TRIM55: variants seen among roughly 807,000 people sequenced by gnomAD.
The protein encoded by TRIM55 is tripartite motif-containing protein 55.
TRIM55 carries 50 observed loss-of-function variants against 60.9 expected under a neutral mutation model. That is an observed-to-expected ratio of 0.82 (90% CI 0.65 to 1.04). The LOEUF is 1.04. Among genes scored for constraint, TRIM55 ranks in the 50% least tolerant of loss-of-function variants. TRIM55 has a pLI of 0.00. For synonymous variants in TRIM55, 237 were observed against 238.1 expected, an observed-to-expected ratio of 1.00 and a Z score of 0.04; for missense variants, 681 against 666.9, an observed-to-expected ratio of 1.02 and a Z score of -0.23.
chr8:66,124,465 C>T (rs765023599), upstream of TRIM55, among the ~76,000 whole-genome samples: 2 of 152,210 alleles, frequency 1.3e-5, no homozygotes, highest in Non-Finnish European at 2.9e-5. Flanking sequence ...GCCCATGTTG[C>T]TGCTTCTGTG....
intron 4 of TRIM55, among the ~76,000 whole-genome samples, chr8:66,143,869 A>G (rs2128977791): frequency 6.6e-6 from 1 of 152,298 alleles, no homozygotes; most frequent in Middle Eastern, 3.4e-3. Context: ...GCAGTAATCA[A>G]ATGAACAACA....
intron 4 of TRIM55, among the ~76,000 whole-genome samples, chr8:66,148,467 C>T (rs1810225203): frequency 1.3e-5 from 2 of 152,320 alleles, no homozygotes; most frequent in South Asian, 4.1e-4. Context: ...TTAAAAGTTG[C>T]ATTCAGCCAT....
At position 66,127,285 on chromosome 8, in the gene TRIM55, A is replaced by G; in HGVS notation, c.17A>G (p.Asn6Ser). Residue 6 changes from asparagine to serine, a missense_variant, in exon 1 of 10, where the codon AAT becomes AGT. Transcript: ENST00000315962. MSASL[N>S]YKSFSKEQQT... ...AGCGAGGAGATGAGCGCATCTCTGA[A>G]TTACAAATCTTTTTCCAAAGAGCAG... is the stretch of plus-strand genomic sequence containing the variant. The G allele has an allele frequency of 1.2e-6, 2 of 1,614,148 alleles. No individual in the cohort carries two copies. Among genetic ancestry groups the G allele is most frequent in the South Asian group, 1.1e-5 (1 of 91,076 alleles).
the TRIM55 span, chr8:66,114,586 C>G: frequency 2.2e-6 from 1 of 456,232 alleles, no homozygotes; most frequent in Non-Finnish European, 4.4e-6. Flanking sequence ...CTAAGCTGCC[C>G]ATAGTTCGGG....
chr8:66,114,222 A>G, the TRIM55 span, among the ~76,000 whole-genome samples: 1 of 152,056 alleles, frequency 6.6e-6, no homozygotes, highest in Non-Finnish European at 1.5e-5. Context: ...GCGCTCGCTT[A>G]GCATGCGAGA....
At chr8:66,166,421 C>A (rs923054573) in intron 9 of TRIM55, among the ~76,000 whole-genome samples, 1 of 152,144 alleles carries the variant, frequency 6.6e-6, no homozygotes, top group Non-Finnish European at 1.5e-5. Context: ...TAACCTAAGA[C>A]TTTTGTTAGT....
the TRIM55 span, among the ~76,000 whole-genome samples, chr8:66,113,777 C>CG: frequency 2.0e-5 from 3 of 152,162 alleles, no homozygotes; most frequent in African/African-American, 7.2e-5. Context: ...GGGGGCCAGG[C>CG]GGGGACCTTC....
intron 4 of TRIM55, among the ~76,000 whole-genome samples, chr8:66,143,583 T>G (rs1222315305): frequency 1.0e-4 from 15 of 143,450 alleles, no homozygotes; most frequent in Admixed American, 3.5e-4. Context: ...GGTTTTTGGG[T>G]TTTTTTTTTT....
At chr8:66,150,193 A>G (rs1347179618) in intron 5 of TRIM55, 24 bp from the exon 6 acceptor site, 3 of 1,610,392 alleles carry the variant, frequency 1.9e-6, no homozygotes, top group Non-Finnish European at 2.5e-6. Context: ...TTTAAGTAAG[A>G]CTATCTTTTG....
At chr8:66,138,611 A>G (rs976558870) in intron 4 of TRIM55, among the ~76,000 whole-genome samples, 15 of 152,112 alleles carry the variant, frequency 9.9e-5, no homozygotes, top group Non-Finnish European at 1.8e-4. Context: ...GGCTGGTCTC[A>G]AACTCCTGAC....
intron 8 of TRIM55, among the ~76,000 whole-genome samples, chr8:66,153,645 A>T (rs567962496): frequency 5.3e-5 from 8 of 149,554 alleles, no homozygotes; most frequent in East Asian, 2.2e-4. Flanking sequence ...GTTGGATTTG[A>T]TCAATAAGAT....
rs569881107 is a variant in TRIM55, at chr8:66,152,127, C to A, written c.986-250C>A. 1.2e-4 allele frequency among the ~76,000 whole-genome samples: 18 copies of A among 152,204 alleles called. No homozygotes were observed. The South Asian group carries it at 3.7e-3, about 32-fold the overall frequency. On this transcript the variant is annotated intron_variant, in intron 7 of 9. Coordinates refer to ENST00000315962, the MANE Select transcript of TRIM55 (RefSeq NM_184085.2). ...TCTGGAAGGTGAAGGGCATTATGCA[C>A]AGCAGAGGTGAAGACTTTGTACTGG... is the stretch of plus-strand genomic sequence containing the variant.
the TRIM55 span, among the ~76,000 whole-genome samples, chr8:66,114,089 C>CT: frequency 7.4e-6 from 1 of 135,602 alleles, no homozygotes; most frequent in Non-Finnish European, 1.6e-5. Context: ...GACACCCCCC[C>CT]CCCCATTATT....
At chr8:66,127,527 T>C in intron 1 of TRIM55, 91 bp downstream of exon 1, 1 of 1,472,152 alleles carries the variant, frequency 6.8e-7, no homozygotes. Context: ...TGAAATCCTT[T>C]AAAAAACTTT....
chr8:66,128,392 T>C lies in TRIM55; in HGVS notation c.257T>C (p.Val86Ala), dbSNP rs1808949645. The stretch of plus-strand genomic sequence containing the variant: ...TGCCCATCCTGTAGACATGAAGTGG[T>C]TTTGGATAGACATGGGGTATATGGA... ...FRCPSCRHEV[V>A]LDRHGVYGLQ... Residue 86 changes from valine (V) to alanine (A), a missense_variant, in exon 2 of 10, where the codon GTT (valine) becomes GCT (alanine). Coordinates refer to ENST00000315962, the MANE Select transcript of TRIM55 (RefSeq NM_184085.2). The C allele has an allele frequency of 6.2e-7, 1 of 1,613,594 alleles. No individual in the cohort carries two copies. Among genetic ancestry groups the C allele is most frequent in the Non-Finnish European group, 8.5e-7 (1 of 1,179,808 alleles).
In TRIM55 at chr8:66,149,961, AC is replaced by A. The variant is rs1202358638; in HGVS notation, c.837+84del. 3.4e-6 allele frequency: 4 copies of A among 1,165,668 alleles called. No individual in the cohort carries two copies. In the East Asian group the frequency reaches 1.0e-4, roughly 29 times the overall value. The allele number at this position is 1,165,668 out of a possible 1,614,324, so 72.2% of individuals were successfully genotyped here. On this transcript the variant is annotated intron_variant, in intron 5 of 9. Transcript: ENST00000315962. ...TTATCACATTTTTATTATTTTATGT[AC>A]ATTTCAGTTTTTATTTATTTTACCA...
chr8:66,160,253 T>C (rs1344142082), intron 9 of TRIM55, among the ~76,000 whole-genome samples: 2 of 152,212 alleles, frequency 1.3e-5, no homozygotes, highest in African/African-American at 4.8e-5. Context: ...TGTTTGGTTT[T>C]CCATTCCTGA....
At chr8:66,147,836 A>C (rs1039162662) in intron 4 of TRIM55, among the ~76,000 whole-genome samples, 3 of 151,718 alleles carry the variant, frequency 2.0e-5, no homozygotes, top group Admixed American at 2.0e-4. Context: ...TCTATTCAAC[A>C]GATATTTAGT....
At chr8:66,153,667 T>C (rs950782863) in intron 8 of TRIM55, among the ~76,000 whole-genome samples, 3 of 152,252 alleles carry the variant, frequency 2.0e-5, no homozygotes, top group Non-Finnish European at 4.4e-5. Context: ...AATTTTTGTT[T>C]TTTATAATGA....
Sources: gnomAD v4.1 joint callset for allele counts (sites outside exome capture counted in the v4.1 genomes callset) on GRCh38, gnomAD v4.1.1 for gene constraint, MANE v1.5 for transcripts, NCBI Gene and HGNC (gene_info 2026-07-23, HGNC 2026-07-21) for gene names.